Variants in NAP1L4 observed in about 807,000 individuals in gnomAD.
NAP1L4 encodes the protein nucleosome assembly protein 1-like 4.
Under a neutral mutation model 58.2 loss-of-function variants are expected in NAP1L4, and 15 were observed. That is an observed-to-expected ratio of 0.26 (90% CI 0.17 to 0.40). The LOEUF is 0.40. NAP1L4 is among the 10% of genes least tolerant of loss of function. The pLI is 1.00. For synonymous variants in NAP1L4, 171 were observed against 155.6 expected (o/e 1.10, Z -0.74); for missense variants, 384 against 451.1 (o/e 0.85, Z 1.35).
chr11:2,978,541 C>T (rs1165213900), intron 2 of NAP1L4, among the ~76,000 whole-genome samples, 199 bp from the exon 3 acceptor site: 1 of 151,994 alleles, frequency 6.6e-6, no homozygotes, highest in African/African-American at 2.4e-5. Context: ...ACGTAACATC[C>T]CCTCTCCTCT....
intron 7 of NAP1L4, among the ~76,000 whole-genome samples, chr11:2,968,629 A>C (rs531985322): frequency 5.7e-4 from 87 of 152,338 alleles, no homozygotes; most frequent in African/African-American, 2.0e-3. Flanking sequence ...GAAAACCATT[A>C]AAAACCGTAG....
Position 2,954,263 on chromosome 11 carries a change from GTCAC to G in NAP1L4, c.1035+260_1035+263del, listed in dbSNP as rs2133913373. On this transcript the variant is annotated intron_variant, in intron 12 of 15. Transcript: ENST00000380542. The surrounding 1 kb of genome is among the most constrained non-coding windows in gnomAD (Gnocchi z 4.8). ...TTAGGTTTTGAGAGAATATTGTTGA[GTCAC>G]TAGGCAGGGCTCACATAGGAAACTG... 1 of 541,750 alleles carries G rather than the reference GTCAC, an allele frequency of 1.8e-6. No individual in the cohort carries two copies. Among genetic ancestry groups the G allele is most frequent in the South Asian group, 2.1e-5 (1 of 46,624 alleles). 33.6% of individuals were successfully genotyped at this position (541,750 alleles called of 1,614,324 possible).
Position 2,954,587 on chromosome 11 carries a change from C to T in NAP1L4, c.975G>A (p.Glu325=), listed in dbSNP as rs760846835. The change falls in exon 12 of 16, where the codon GAG becomes GAA. Residue 325 remains glutamate, a synonymous_variant. Transcript: ENST00000380542. This position sits in a 1 kb window ranked among gnomAD's most constrained non-coding sequence, Gnocchi z 4.8. ...ACAGCACAGCCCGCGGGACTATCCG[C>T]TCACGGAAAAAGTGTCCAATTTCAA... The part of the protein sequence containing the change: ...SDFEIGHFFR[E]RIVPRAVLYF... The T allele has an allele frequency of 1.2e-6, 2 of 1,614,196 alleles. No homozygotes were observed. Among genetic ancestry groups the T allele is most frequent in the Non-Finnish European group, 1.7e-6 (2 of 1,180,046 alleles).
At chr11:2,960,200 T>G (rs905464362) in intron 8 of NAP1L4, 4 of 304,208 alleles carry the variant, frequency 1.3e-5, no homozygotes, top group Non-Finnish European at 1.9e-5. Flanking sequence ...TTCTCTTAGC[T>G]GCTCCCAGCC....
At chr11:2,969,200 A>G (rs1291897980) in intron 7 of NAP1L4, among the ~76,000 whole-genome samples, 3 of 152,096 alleles carry the variant, frequency 2.0e-5, no homozygotes, top group African/African-American at 7.2e-5. Flanking sequence ...GATGCTGCCC[A>G]GGCTGGTCTC....
intron 10 of NAP1L4, among the ~76,000 whole-genome samples, chr11:2,956,557 A>G (rs1846550998): frequency 6.6e-6 from 1 of 152,202 alleles, no homozygotes; most frequent in Admixed American, 6.5e-5. Flanking sequence ...CCCTGGCAGC[A>G]CTTGCTGTTT....
Position 2,958,742 on chromosome 11 carries a change from G to A in NAP1L4, c.747-198C>T, listed in dbSNP as rs928782540. 1.0e-5 allele frequency: 6 copies of A among 576,686 alleles called. No individual in the cohort carries two copies. The Admixed American group carries it at 2.1e-4, about 20-fold the overall frequency. 35.7% of individuals were successfully genotyped at this position (576,686 alleles called of 1,614,324 possible). On this transcript the variant is annotated intron_variant, in intron 9 of 15. Transcript: ENST00000380542. Reference sequence around the variant, plus strand: ...AACAGCCTGGTCCTCTTTCAACTTGGGTGTGACCACTGGAACTTCAGACTT... The same window carrying A: ...AACAGCCTGGTCCTCTTTCAACTTGAGTGTGACCACTGGAACTTCAGACTT...
intron 15 of NAP1L4, among the ~76,000 whole-genome samples, chr11:2,945,865 T>C (rs1845914445): frequency 6.6e-6 from 1 of 152,176 alleles, no homozygotes. Context: ...AGCTATGCCT[T>C]CAAGCATTCA....
intron 14 of NAP1L4, among the ~76,000 whole-genome samples, chr11:2,950,034 C>T (rs770858338): frequency 1.3e-5 from 2 of 152,254 alleles, no homozygotes; most frequent in Admixed American, 6.5e-5. Context: ...TCAGACACCC[C>T]GCACAGCAGT....
At position 2,955,621 on chromosome 11, in the gene NAP1L4, A is replaced by C; in HGVS notation, c.915+123T>G. The C allele has an allele frequency of 2.1e-6, 2 of 934,462 alleles. No homozygotes were observed. Among genetic ancestry groups the C allele is most frequent in the Non-Finnish European group, 3.3e-6 (2 of 605,952 alleles). 57.9% of individuals were successfully genotyped at this position (934,462 alleles called of 1,614,324 possible). ...CCCACCTCAGCCTCCCAAAGCATTA[A>C]GATCACTGGCATACCCAGTCCACAC... On this transcript the variant is annotated intron_variant, in intron 11 of 15. Transcript: ENST00000380542. This position sits in a 1 kb window ranked among gnomAD's most constrained non-coding sequence, Gnocchi z 4.2.
Position 2,954,776 on chromosome 11 carries a change from G to A in NAP1L4, c.916-130C>T, listed in dbSNP as rs75500826. 3 of 1,204,328 alleles carry A rather than the reference G, an allele frequency of 2.5e-6. No individual in the cohort carries two copies. The highest frequency in any genetic ancestry group is 2.5e-5 in the South Asian group (2 of 79,140). 74.6% of individuals were successfully genotyped at this position (1,204,328 alleles called of 1,614,324 possible). A position where few individuals can be genotyped will look rare whatever the true frequency, so the allele number is the denominator to read the frequency against. ...TAAAACACCAAACTCCTGCACTGCT[G>A]GGGGACAGCCACTAGACACTCAAAG... On this transcript the variant is annotated intron_variant, in intron 11 of 15. Transcript: ENST00000380542. The surrounding 1 kb of genome is among the most constrained non-coding windows in gnomAD (Gnocchi z 4.8).
intron 8 of NAP1L4, among the ~76,000 whole-genome samples, chr11:2,962,140 T>A (rs1846961762): frequency 6.6e-6 from 1 of 152,238 alleles, no homozygotes; most frequent in Non-Finnish European, 1.5e-5. Flanking sequence ...AAGCTTCATC[T>A]TCTTTGACTG....
chr11:2,979,618 C>G (rs905043684), intron 1 of NAP1L4, among the ~76,000 whole-genome samples: 3 of 151,844 alleles, frequency 2.0e-5, no homozygotes, highest in Non-Finnish European at 2.9e-5. Flanking sequence ...ACTAAAAATA[C>G]AAAATTAGCT....
intron 12 of NAP1L4, chr11:2,952,068 G>A: frequency 1.8e-6 from 1 of 559,404 alleles, no homozygotes; most frequent in East Asian, 3.0e-5. Context: ...CCTGGACACA[G>A]CTGGGAACCT....
chr11:2,985,695 A>G (rs1341935390), intron 1 of NAP1L4, among the ~76,000 whole-genome samples: 2 of 152,146 alleles, frequency 1.3e-5, no homozygotes, highest in Admixed American at 1.3e-4. Context: ...GTGTTAATAA[A>G]TAATAACTAA....
chr11:2,985,719 ACAAT>A (rs145277118), intron 1 of NAP1L4, among the ~76,000 whole-genome samples: 2,575 of 151,866 alleles, frequency 0.017, 76 homozygotes, highest in African/African-American at 0.059. Flanking sequence ...TAAATAAAAG[ACAAT>A]CAAGTTAAAT....
intron 10 of NAP1L4, among the ~76,000 whole-genome samples, chr11:2,958,045 T>C (rs1846647024): frequency 6.6e-6 from 1 of 152,144 alleles, no homozygotes; most frequent in Non-Finnish European, 1.5e-5. Context: ...TGCCAGCTGG[T>C]GGAGAAGGGT....
At chr11:2,969,738 T>A in intron 7 of NAP1L4, 65 bp downstream of exon 7, 2 of 1,534,350 alleles carry the variant, frequency 1.3e-6, no homozygotes, top group East Asian at 2.3e-5. Context: ...GCTTAAAAAA[T>A]GCCATAGATA....
chr11:2,969,799 T>C lies in NAP1L4; in HGVS notation c.534+4A>G. 2 of 1,609,008 alleles carry C rather than the reference T, an allele frequency of 1.2e-6. No homozygotes were observed. The highest frequency in any genetic ancestry group is 2.2e-5 in the East Asian group (1 of 44,816). Reference sequence around the variant, plus strand: ...ATCTCTCTACAAGACAGAAGTGTGCTTACCTGGACTAATTCACTCAGCATG... The same window carrying C: ...ATCTCTCTACAAGACAGAAGTGTGCCTACCTGGACTAATTCACTCAGCATG... On this transcript the variant is annotated splice_donor_region_variant and intron_variant, in intron 7 of 15. Coordinates refer to ENST00000380542, the MANE Select transcript of NAP1L4 (RefSeq NM_005969.4).
Sources: gnomAD v4.1 joint callset for allele counts (sites outside exome capture counted in the v4.1 genomes callset) on GRCh38, gnomAD v4.1.1 for gene constraint, Gnocchi (gnomAD v3.1) non-coding constraint, MANE v1.5 for transcripts, NCBI Gene and HGNC (gene_info 2026-07-23, HGNC 2026-07-21) for gene names.